The following CAMK1 variants were observed in gnomAD, a reference collection of about 807,000 sequenced individuals.
The protein encoded by CAMK1 is calcium/calmodulin dependent protein kinase I, also known as calcium/calmodulin-dependent protein kinase type 1.
Under a neutral mutation model 49.1 loss-of-function variants are expected in CAMK1, and 39 were observed. The ratio of observed to expected loss-of-function variants is 0.79; its 90% CI spans 0.62 to 1.04. The LOEUF is 1.04. CAMK1 is among the 50% of genes least tolerant of loss of function. The pLI, the probability that CAMK1 is intolerant of heterozygous loss-of-function variation, is 0.00. For missense variants in CAMK1, 457 were observed against 472.2 expected (o/e 0.97, Z 0.30); for synonymous variants, 192 against 185.2 (o/e 1.04, Z -0.30).
chr3:9,769,656 G>C (rs945452408), intron 1 of CAMK1, among the ~76,000 whole-genome samples, 176 bp downstream of exon 1: 22 of 152,306 alleles, frequency 1.4e-4, no homozygotes, highest in African/African-American at 5.3e-4. Flanking sequence ...AGGCCCGCCT[G>C]GCACCTGCTG....
At position 9,757,490 on chromosome 3, in the gene CAMK1, T is replaced by C. The variant is rs1025115207; in HGVS notation, c.*49A>G. 6.2e-7 allele frequency: 1 copy of C among 1,603,884 alleles called. No individual in the cohort carries two copies. The highest frequency in any genetic ancestry group is 8.5e-7 in the Non-Finnish European group (1 of 1,173,332). ...GTTCAGGGAGGGAAGGGGAGCAGGC[T>C]GCCCCCAAGCCCTCCCACGCAGAGG... is the stretch of plus-strand genomic sequence containing the variant. On this transcript the variant is annotated 3_prime_UTR_variant, in exon 12 of 12. Coordinates refer to ENST00000256460, the MANE Select transcript of CAMK1 (RefSeq NM_003656.5). This position sits in a 1 kb window ranked among gnomAD's most constrained non-coding sequence, Gnocchi z 4.5.
chr3:9,766,171 C>G lies in CAMK1; in HGVS notation c.84-281G>C. The G allele has an allele frequency of 4.5e-6, 4 of 895,622 alleles. 1 individual carries two copies. In the Middle Eastern group the frequency reaches 6.3e-4, roughly 141 times the overall value. 55.5% of individuals were successfully genotyped at this position (895,622 alleles called of 1,614,324 possible). On this transcript the variant is annotated intron_variant, in intron 2 of 11. Transcript: ENST00000256460. ...CCTGTTGAGCTGGTAGGATGTAAGC[C>G]TGGAGCTAATGGCGATCATCTTTGC... is the stretch of plus-strand genomic sequence containing the variant.
intron 2 of CAMK1, chr3:9,766,319 C>T: frequency 1.4e-6 from 1 of 694,098 alleles, no homozygotes. Flanking sequence ...TGCCTGAGGT[C>T]TACCCCTGGG....
At position 9,763,213 on chromosome 3, in the gene CAMK1, C is replaced by A. The variant is rs898173600; in HGVS notation, c.216G>T (p.Lys72Asn). The A allele has an allele frequency of 2.5e-6, 4 of 1,613,780 alleles. No individual in the cohort carries two copies. The highest frequency in any genetic ancestry group is 1.3e-5 in the African/African-American group (1 of 75,000). Residue 72 changes from lysine (K) to asparagine (N), a missense_variant and splice_region_variant, in exon 4 of 12, where the codon AAG (lysine) becomes AAT (asparagine). Coordinates refer to ENST00000256460, the MANE Select transcript of CAMK1 (RefSeq NM_003656.5). ...SMENEIAVLH[K>N]IKHPNIVALD... ...GGGCTACAATGTTGGGGTGCTTGAT[C>A]CTGAAAGGAGAAATGAGGTGGTTTA... is the stretch of plus-strand genomic sequence containing the variant.
Position 9,766,649 on chromosome 3 carries a change from A to G in CAMK1, c.84-759T>C, listed in dbSNP as rs1057366261. ...AGGAACAAATAAACTCATTTAACTA[A>G]AGTTAACTGATTAAAGAGGATTTGC... On this transcript the variant is annotated intron_variant, in intron 2 of 11. Transcript: ENST00000256460. The G allele has an allele frequency of 5.7e-6, 6 of 1,052,652 alleles. No individual in the cohort carries two copies. In the African/African-American group the frequency reaches 1.0e-4, roughly 18 times the overall value. 65.2% of individuals were successfully genotyped at this position (1,052,652 alleles called of 1,614,324 possible).
Position 9,760,822 on chromosome 3 carries a change from G to A in CAMK1, c.633-54C>T. 3 of 1,608,922 alleles carry A rather than the reference G, an allele frequency of 1.9e-6. No homozygotes were observed. In the South Asian group the frequency reaches 3.3e-5, roughly 18 times the overall value. On this transcript the variant is annotated intron_variant, in intron 7 of 11. Transcript: ENST00000256460. ...CCACTTTCGGGTGCCGTTGGCTCCG[G>A]GGTGGAGCACTGGGGCAGTCTCAGG...
chr3:9,759,060 C>T (rs1015450321), intron 10 of CAMK1: 2 of 805,588 alleles, frequency 2.5e-6, no homozygotes, highest in East Asian at 2.4e-5. Flanking sequence ...ACCTGCTTCT[C>T]TAAATTGGGC....
chr3:9,758,621 A>C (rs1575218486), intron 10 of CAMK1: 1 of 159,910 alleles, frequency 6.3e-6, no homozygotes. Context: ...CATTCTCTGC[A>C]TCCTGAGAGC....
Position 9,757,631 on chromosome 3 carries a change from A to G in CAMK1, c.1031-10T>C. ...CAGCCAGCTGCCGGCCCTGCATGGGAAGACAGAACAGAGGTGGCCGCAGGG... is the reference window on the plus strand; with the variant it reads ...CAGCCAGCTGCCGGCCCTGCATGGGGAGACAGAACAGAGGTGGCCGCAGGG... On this transcript the variant is annotated splice_polypyrimidine_tract_variant and intron_variant, in intron 11 of 11. Coordinates refer to ENST00000256460, the MANE Select transcript of CAMK1 (RefSeq NM_003656.5). This position sits in a 1 kb window ranked among gnomAD's most constrained non-coding sequence, Gnocchi z 4.5. The G allele has an allele frequency of 6.2e-7, 1 of 1,614,118 alleles. No individual in the cohort carries two copies. The highest frequency in any genetic ancestry group is 1.7e-5 in the Admixed American group (1 of 60,022).
At chr3:9,769,446 G>T (rs1325201235) in intron 1 of CAMK1, among the ~76,000 whole-genome samples, 1 of 151,898 alleles carries the variant, frequency 6.6e-6, no homozygotes, top group Admixed American at 6.6e-5. Flanking sequence ...CACAAAACAC[G>T]TGGACACCCC....
chr3:9,766,651 G>T, intron 2 of CAMK1: 1 of 1,052,916 alleles, frequency 9.5e-7, no homozygotes, highest in Non-Finnish European at 1.2e-6. Context: ...TTTAACTAAA[G>T]TTAACTGATT....
At position 9,763,356 on chromosome 3, in the gene CAMK1, G is replaced by A. The variant is rs548588277; in HGVS notation, c.216-143C>T. 5 of 804,538 alleles carry A rather than the reference G, an allele frequency of 6.2e-6. No homozygotes were observed. The African/African-American group carries it at 8.8e-5, about 14-fold the overall frequency. 49.8% of individuals were successfully genotyped at this position (804,538 alleles called of 1,614,324 possible). A position where few individuals can be genotyped will look rare whatever the true frequency, so the allele number is the denominator to read the frequency against. ...TGCAGTCTGTTATGATTGCACCTGT[G>A]ACTAGCCACTGCACTCCAGCCTGGG... On this transcript the variant is annotated intron_variant, in intron 3 of 11. Transcript: ENST00000256460.
rs566785532 is a variant in CAMK1, at chr3:9,757,915, G to T, written c.913-69C>A. The T allele has an allele frequency of 2.6e-4, 397 of 1,527,834 alleles. No homozygotes were observed. The highest frequency in any genetic ancestry group is 3.3e-4 in the Non-Finnish European group (376 of 1,136,328). The allele number at this position is 1,527,834 out of a possible 1,614,324, so 94.6% of individuals were successfully genotyped here. On this transcript the variant is annotated intron_variant, in intron 10 of 11. Coordinates refer to ENST00000256460, the MANE Select transcript of CAMK1 (RefSeq NM_003656.5). The surrounding 1 kb of genome is among the most constrained non-coding windows in gnomAD (Gnocchi z 4.5). ...GAGAGAGTCAAGTCATGGGGCAGGG[G>T]CGCAGTGGGATTCTTGCAATTGTTC...
In CAMK1 at chr3:9,761,903, C is replaced by T. The variant is rs9822279; in HGVS notation, c.430-146G>A. 8.5e-3 allele frequency: 11,437 copies of T among 1,351,952 alleles called. 726 individuals carry two copies. The African/African-American group carries it at 0.14, about 17-fold the overall frequency. 83.7% of individuals were successfully genotyped at this position (1,351,952 alleles called of 1,614,324 possible). A position where few individuals can be genotyped will look rare whatever the true frequency, so the allele number is the denominator to read the frequency against. On this transcript the variant is annotated intron_variant, in intron 5 of 11. Transcript: ENST00000256460. ...GGCTGTCATAAGAAAATCAAGGAAGCTCTCAAGAAGGCCAAAAATTCCAGG... is the reference window on the plus strand; with the variant it reads ...GGCTGTCATAAGAAAATCAAGGAAGTTCTCAAGAAGGCCAAAAATTCCAGG...
rs567143416 is a variant in CAMK1 at position 9,765,695 on chromosome 3, G to A, written c.215+64C>T. ...TAAATGATTTGTCCAAAGCAGGAAA[G>A]GAGGAGGATGGGAGGGCCAAGGCAG... is the stretch of plus-strand genomic sequence containing the variant. On this transcript the variant is annotated intron_variant, in intron 3 of 11. Coordinates refer to ENST00000256460, the MANE Select transcript of CAMK1 (RefSeq NM_003656.5). 532 of 1,564,002 alleles carry A rather than the reference G, an allele frequency of 3.4e-4. 1 individual carries two copies. In the African/African-American group the frequency reaches 6.4e-3, roughly 19 times the overall value.
At chr3:9,763,946 A>AT (rs1376361745) in intron 3 of CAMK1, among the ~76,000 whole-genome samples, 7 of 152,182 alleles carry the variant, frequency 4.6e-5, no homozygotes, top group Non-Finnish European at 7.3e-5. Context: ...AGATCATGCC[A>AT]TTACACTCCA....
At chr3:9,761,882 G>GTC in intron 5 of CAMK1, 125 bp from the exon 6 acceptor site, 1 of 1,421,458 alleles carries the variant, frequency 7.0e-7, no homozygotes, top group Non-Finnish European at 9.3e-7. Context: ...CTTCATGGCT[G>GTC]TCATAAGAAA....
intron 7 of CAMK1, chr3:9,761,216 A>T (rs2077850808): frequency 2.2e-6 from 1 of 453,144 alleles, no homozygotes; most frequent in Non-Finnish European, 3.9e-6. Context: ...CTAGAAAGAA[A>T]GTCAGCTCCC....
At chr3:9,762,176 A>G (rs1393577640) in intron 5 of CAMK1, 1 of 165,450 alleles carries the variant, frequency 6.0e-6, no homozygotes, top group East Asian at 1.8e-4. Flanking sequence ...TAGCAGAGCC[A>G]GAATTCAAAA....
Sources: gnomAD v4.1 joint callset for allele counts (sites outside exome capture counted in the v4.1 genomes callset) on GRCh38, gnomAD v4.1.1 for gene constraint, Gnocchi (gnomAD v3.1) non-coding constraint, MANE v1.5 for transcripts, NCBI Gene and HGNC (gene_info 2026-07-23, HGNC 2026-07-21) for gene names.